The following CNIH3 variants were observed in gnomAD, a reference collection of about 807,000 sequenced individuals.
CNIH3 encodes protein cornichon homolog 3.
CNIH3 carries 14 observed loss-of-function variants against 24.1 expected under a neutral mutation model. The ratio of observed to expected loss-of-function variants is 0.58; its 90% confidence interval spans 0.38 to 0.91. The LOEUF is 0.91. CNIH3 is among the 40% of genes least tolerant of loss of function. The pLI is 0.00. For synonymous variants in CNIH3, 68 were observed against 73.8 expected, an observed-to-expected ratio of 0.92 and a Z score of 0.40; for missense variants, 178 against 196.8, an observed-to-expected ratio of 0.90 and a Z score of 0.57.
intron 1 of CNIH3, among the ~76,000 whole-genome samples, chr1:224,500,914 G>A (rs1677638511): frequency 6.6e-6 from 1 of 152,078 alleles, no homozygotes; most frequent in African/African-American, 2.4e-5. Flanking sequence ...GGAACCCGAG[G>A]AAGCAGCCGG....
intron 3 of CNIH3, among the ~76,000 whole-genome samples, chr1:224,690,642 G>A (rs1378601703): frequency 2.0e-5 from 3 of 152,318 alleles, no homozygotes; most frequent in Admixed American, 6.5e-5. Flanking sequence ...TCATGTCCCA[G>A]TTTCCCCAAG....
At chr1:224,633,514 G>A (rs1040649782) in intron 1 of CNIH3, among the ~76,000 whole-genome samples, 1 of 152,172 alleles carries the variant, frequency 6.6e-6, no homozygotes, top group Admixed American at 6.5e-5. Context: ...GAATTTATGG[G>A]AAGGGAATTG....
At chr1:224,490,098 A>G (rs113106525) in intron 1 of CNIH3, among the ~76,000 whole-genome samples, 175 of 152,342 alleles carry the variant, frequency 1.1e-3, no homozygotes, top group African/African-American at 4.1e-3. Context: ...AAGCAACTTT[A>G]TTTGTAGTGA....
intron 3 of CNIH3, among the ~76,000 whole-genome samples, chr1:224,695,357 AACACACACACACAC>A (rs56245587): frequency 4.1e-5 from 6 of 145,738 alleles, no homozygotes; most frequent in East Asian, 4.0e-4. Context: ...TCTCTTTCTA[AACACACACACACAC>A]ACACACACAC....
chr1:224,695,387 CA>C (rs1687116559), intron 3 of CNIH3, among the ~76,000 whole-genome samples: 8 of 145,714 alleles, frequency 5.5e-5, no homozygotes, highest in East Asian at 2.0e-4. Context: ...CACACACACA[CA>C]CACACACCCC....
At chr1:224,618,248 G>A (rs1297979974) in intron 1 of CNIH3, among the ~76,000 whole-genome samples, 2 of 152,228 alleles carry the variant, frequency 1.3e-5, no homozygotes, top group African/African-American at 4.8e-5. Flanking sequence ...ACCCTCAGAG[G>A]GCTGGTGGGA....
At chr1:224,444,272 A>G (rs1349575774) in intron 1 of CNIH3, among the ~76,000 whole-genome samples, 1 of 152,194 alleles carries the variant, frequency 6.6e-6, no homozygotes, top group African/African-American at 2.4e-5. Context: ...ATTAATCTCA[A>G]AATTTTCCAA....
chr1:224,468,435 CA>C (rs1676235240), intron 1 of CNIH3, among the ~76,000 whole-genome samples: 1 of 152,136 alleles, frequency 6.6e-6, no homozygotes, highest in South Asian at 2.1e-4. Flanking sequence ...TGCTTTGTAG[CA>C]ATTGTAAATG....
chr1:224,622,634 C>T (rs949377172), intron 1 of CNIH3, among the ~76,000 whole-genome samples: 1 of 152,208 alleles, frequency 6.6e-6, no homozygotes, highest in Non-Finnish European at 1.5e-5. Flanking sequence ...GGTTTCAAGG[C>T]CTCACTGGGG....
intron 3 of CNIH3, among the ~76,000 whole-genome samples, chr1:224,705,948 G>A (rs116779656): frequency 0.024 from 3,414 of 140,736 alleles, 136 homozygotes; most frequent in African/African-American, 0.084. Flanking sequence ...TCCTTCCTCA[G>A]TTGGAGTCTG....
intron 3 of CNIH3, among the ~76,000 whole-genome samples, chr1:224,561,879 C>T: frequency 6.6e-6 from 1 of 152,092 alleles, no homozygotes; most frequent in East Asian, 1.9e-4. Context: ...GTCAAAGGGA[C>T]AAAGGGCTGG....
intron 3 of CNIH3, among the ~76,000 whole-genome samples, chr1:224,602,978 G>GA (rs1310951923): frequency 2.0e-5 from 3 of 152,034 alleles, no homozygotes; most frequent in Non-Finnish European, 4.4e-5. Flanking sequence ...TGTCTGTGGG[G>GA]AAAAAAAGCA....
intron 3 of CNIH3, among the ~76,000 whole-genome samples, chr1:224,723,270 G>A (rs780212577): frequency 6.6e-6 from 1 of 152,184 alleles, no homozygotes; most frequent in Non-Finnish European, 1.5e-5. Flanking sequence ...GGGGCCTCTG[G>A]GCCATCACAC....
chr1:224,463,773 A>ATTTTTTTTTTTTTTTTTTTTTTTTTTTTT (rs56137320), intron 1 of CNIH3, among the ~76,000 whole-genome samples: 1 of 20,706 alleles, frequency 4.8e-5, no homozygotes. Flanking sequence ...AATTGTCCTC[A>ATTTTTTTTTTTTTTTTTTTTTTTTTTTTT]TTTTTTTTTT....
intron 3 of CNIH3, among the ~76,000 whole-genome samples, chr1:224,722,339 A>C (rs1049444117): frequency 6.6e-6 from 1 of 152,214 alleles, no homozygotes; most frequent in Non-Finnish European, 1.5e-5. Flanking sequence ...GAATCTAAAG[A>C]GTCTAGAGTG....
chr1:224,652,496 A>G (rs1684904455), intron 1 of CNIH3, among the ~76,000 whole-genome samples: 1 of 152,144 alleles, frequency 6.6e-6, no homozygotes, highest in Admixed American at 6.6e-5. Context: ...GACTCTAGCC[A>G]GTTGATTAGT....
chr1:224,666,455 A>G (rs999348311), intron 1 of CNIH3, among the ~76,000 whole-genome samples: 3 of 152,214 alleles, frequency 2.0e-5, no homozygotes, highest in African/African-American at 7.2e-5. Context: ...AAAATTTCCC[A>G]AAGTGGATAG....
intron 1 of CNIH3, among the ~76,000 whole-genome samples, chr1:224,632,120 C>T (rs371454753): frequency 0.015 from 1,360 of 87,920 alleles, 28 homozygotes; most frequent in African/African-American, 0.043. Flanking sequence ...AGACACATTG[C>T]GAGGGCACTG....
intron 3 of CNIH3, among the ~76,000 whole-genome samples, chr1:224,718,313 G>T (rs150086855): frequency 4.6e-5 from 7 of 152,240 alleles, no homozygotes; most frequent in Admixed American, 1.3e-4. Flanking sequence ...CCCAGTCAGG[G>T]GCTACAGCAT....
Sources: gnomAD v4.1 joint callset for allele counts (sites outside exome capture counted in the v4.1 genomes callset) on GRCh38, gnomAD v4.1.1 for gene constraint, MANE v1.5 for transcripts, NCBI Gene and HGNC (gene_info 2026-07-23, HGNC 2026-07-21) for gene names.